Variants in CWH43 observed in about 807,000 individuals in gnomAD.
The protein encoded by CWH43 is PGAP2-interacting protein.
CWH43 carries 91 observed loss-of-function variants against 85.7 expected under a neutral mutation model. The observed-to-expected ratio is 1.06, with a 90% confidence interval of 0.90 to 1.26. The LOEUF is 1.26. Ranked by LOEUF, CWH43 falls within the 50% of genes most tolerant of loss-of-function variation. The pLI is 0.00. For synonymous variants in CWH43, 323 were observed against 293.6 expected, an observed-to-expected ratio of 1.10 and a Z score of -1.02; for missense variants, 869 against 839.2, an observed-to-expected ratio of 1.04 and a Z score of -0.44.
At position 49,050,705 on chromosome 4, in the gene CWH43, C is replaced by T. The variant is rs142768963; in HGVS notation, c.1877C>T (p.Ala626Val). Reference protein sequence around the residue: ...MYRGLIRLGYARISHAELSDS... With the variant: ...MYRGLIRLGYVRISHAELSDS... ...TGTTTCTGCTACAGGTTGGGTTATG[C>T]AAGAATCTCCCATGCTGAACTGAGT... Residue 626 changes from alanine (A) to valine (V), a missense_variant, in exon 15 of 16, where the codon GCA becomes GTA. This residue lies in a region of CWH43 where 577 missense variants were observed against 513.1 expected (regional missense o/e 1.12). Coordinates refer to ENST00000226432, the MANE Select transcript of CWH43 (RefSeq NM_025087.3). 2,369 of 1,610,868 alleles carry T rather than the reference C, an allele frequency of 1.5e-3. 57 individuals carry two copies. In the Admixed American group the frequency reaches 0.038, roughly 26 times the overall value.
At chr4:49,051,742 A>G (rs888788425) in intron 15 of CWH43, among the ~76,000 whole-genome samples, 4 of 151,988 alleles carry the variant, frequency 2.6e-5, no homozygotes, top group African/African-American at 9.7e-5. Flanking sequence ...ATGCCTGGCT[A>G]ATTTTTGTAT....
chr4:49,036,350 A>C (rs1288639619), intron 12 of CWH43, among the ~76,000 whole-genome samples: 2 of 152,218 alleles, frequency 1.3e-5, no homozygotes, highest in African/African-American at 4.8e-5. Flanking sequence ...CCATAGGCAT[A>C]TTAGCCTCAT....
intron 14 of CWH43, among the ~76,000 whole-genome samples, chr4:49,047,703 G>A (rs781263362): frequency 2.0e-5 from 3 of 152,158 alleles, no homozygotes; most frequent in African/African-American, 2.4e-5. Flanking sequence ...AGGGGCGGCC[G>A]AGGAGGGAAG....
intron 13 of CWH43, among the ~76,000 whole-genome samples, chr4:49,042,591 A>C (rs1784497710): frequency 6.6e-6 from 1 of 152,150 alleles, no homozygotes; most frequent in African/African-American, 2.4e-5. Flanking sequence ...CCATGTAGGG[A>C]AGCGTTGAAG....
At chr4:49,041,403 A>G (rs1168218330) in intron 13 of CWH43, among the ~76,000 whole-genome samples, 1 of 152,006 alleles carries the variant, frequency 6.6e-6, no homozygotes, top group Non-Finnish European at 1.5e-5. Context: ...ATTTGTTTGT[A>G]TCCTCTTTTA....
chr4:48,996,809 A>T (rs910685657), intron 5 of CWH43, among the ~76,000 whole-genome samples: 1 of 152,230 alleles, frequency 6.6e-6, no homozygotes, highest in Non-Finnish European at 1.5e-5. Context: ...TCACATATAT[A>T]AAATCAGCAT....
At chr4:49,004,350 T>C (rs1438841232) in intron 7 of CWH43, among the ~76,000 whole-genome samples, 2 of 152,182 alleles carry the variant, frequency 1.3e-5, no homozygotes, top group East Asian at 1.9e-4. Flanking sequence ...ACTTCAGTGG[T>C]TGGCTCGTAA....
intron 12 of CWH43, among the ~76,000 whole-genome samples, chr4:49,034,000 C>A (rs1426901631): frequency 6.6e-6 from 1 of 151,958 alleles, no homozygotes; most frequent in Non-Finnish European, 1.5e-5. Flanking sequence ...TATGTGAATC[C>A]GTGAAAGCAT....
At position 48,992,160 on chromosome 4, in the gene CWH43, G is replaced by T; in HGVS notation, c.511+70G>T. Reference sequence around the variant, plus strand: ...TCCTATGTGAATGTTGCACATCTTGGAAAGAAAATCTATAAAAGTAGTCTT... The same window carrying T: ...TCCTATGTGAATGTTGCACATCTTGTAAAGAAAATCTATAAAAGTAGTCTT... On this transcript the variant is annotated intron_variant, in intron 4 of 15. Coordinates refer to ENST00000226432, the MANE Select transcript of CWH43 (RefSeq NM_025087.3). This position sits in a 1 kb window ranked among gnomAD's most constrained non-coding sequence, Gnocchi z 4.3. 2 of 1,306,688 alleles carry T rather than the reference G, an allele frequency of 1.5e-6. No individual in the cohort carries two copies. The highest frequency in any genetic ancestry group is 2.8e-5 in the South Asian group (2 of 71,704). The allele number at this position is 1,306,688 out of a possible 1,614,324, so 80.9% of individuals were successfully genotyped here. A position where few individuals can be genotyped will look rare whatever the true frequency, so the allele number is the denominator to read the frequency against.
At chr4:49,052,236 G>A (rs534838804) in intron 15 of CWH43, among the ~76,000 whole-genome samples, 1 of 152,120 alleles carries the variant, frequency 6.6e-6, no homozygotes, top group Non-Finnish European at 1.5e-5. Context: ...AATGTGACTA[G>A]GAAACCGCGG....
At chr4:49,012,789 A>G (rs1353305580) in intron 8 of CWH43, among the ~76,000 whole-genome samples, 3 of 152,192 alleles carry the variant, frequency 2.0e-5, no homozygotes, top group Non-Finnish European at 1.5e-5. Flanking sequence ...TTGCCTGGGT[A>G]TCACCAGTGG....
rs1298993394 is a variant in CWH43, at chr4:49,061,803, T to C, written c.2022-9T>C. ...CCAATAACTTTTTATTTATTTTTTA[T>C]TTTTTTAGATTTGGATCCTACAAAG... On this transcript the variant is annotated splice_polypyrimidine_tract_variant and intron_variant, in intron 15 of 15. Transcript: ENST00000226432. The C allele has an allele frequency of 3.7e-6, 5 of 1,365,678 alleles. No homozygotes were observed. The South Asian group carries it at 7.4e-5, about 20-fold the overall frequency. 84.6% of individuals were successfully genotyped at this position (1,365,678 alleles called of 1,614,324 possible).
intron 13 of CWH43, among the ~76,000 whole-genome samples, chr4:49,039,515 C>A (rs1390062192): frequency 1.4e-5 from 2 of 147,184 alleles, no homozygotes; most frequent in East Asian, 4.0e-4. Flanking sequence ...ATGCCCTATG[C>A]AGATGTCTTG....
chr4:49,016,966 G>T, intron 8 of CWH43: 1 of 783,174 alleles, frequency 1.3e-6, no homozygotes, highest in Non-Finnish European at 2.4e-6. Flanking sequence ...TAGCAGTTCT[G>T]CGCAGGCACA....
chr4:49,032,461 A>T (rs1784126435), intron 11 of CWH43, 105 bp from the exon 12 acceptor site: 3 of 1,254,718 alleles, frequency 2.4e-6, no homozygotes, highest in East Asian at 4.7e-5. Context: ...CCTTGGTGGG[A>T]TGTGTGCAGT....
chr4:49,011,850 T>A (rs1372681209), intron 8 of CWH43, among the ~76,000 whole-genome samples: 2 of 152,258 alleles, frequency 1.3e-5, no homozygotes, highest in Non-Finnish European at 2.9e-5. Flanking sequence ...CCGCTGTTAG[T>A]CTGATGGGCT....
chr4:49,054,478 T>G (rs1784892969), intron 15 of CWH43, among the ~76,000 whole-genome samples: 1 of 152,190 alleles, frequency 6.6e-6, no homozygotes, highest in Non-Finnish European at 1.5e-5. Flanking sequence ...CGTGATTGCT[T>G]AGGCTGCTTG....
At chr4:49,028,062 C>T (rs1286629996) in intron 9 of CWH43, among the ~76,000 whole-genome samples, 1 of 152,138 alleles carries the variant, frequency 6.6e-6, no homozygotes, top group African/African-American at 2.4e-5. Flanking sequence ...GATTTATTTC[C>T]CATGCAAGAG....
rs1553916936 is a variant in CWH43 at position 49,039,320 on chromosome 4, T to TATATATACTGTTGTATATATATACTG, written c.1803+1147_1803+1148insCTGTTGTATATATATACTGATATATA. Among the ~76,000 whole-genome samples the TATATATACTGTTGTATATATATACTG allele has an allele frequency of 6.6e-5, 2 of 30,218 alleles. 1 individual carries two copies. Among genetic ancestry groups the TATATATACTGTTGTATATATATACTG allele is most frequent in the Non-Finnish European group, 1.7e-4 (2 of 11,864 alleles). 19.8% of individuals were successfully genotyped at this position (30,218 alleles called of 152,430 possible). On this transcript the variant is annotated intron_variant, in intron 13 of 15. Transcript: ENST00000226432. Reference sequence around the variant, plus strand: ...CTCAGGAGACTGATATATATATATATATATATATATATACTGATGTATATA... The same window carrying TATATATACTGTTGTATATATATACTG: ...CTCAGGAGACTGATATATATATATATATATATACTGTTGTATATATATACTGATATATATATATACTGATGTATATA...
Sources: allele counts gnomAD v4.1 joint callset (sites outside exome capture counted in the v4.1 genomes callset), GRCh38; gene constraint gnomAD v4.1.1; regional missense constraint gnomAD v4.1.1; non-coding constraint Gnocchi (gnomAD v3.1); transcripts MANE v1.5; gene names NCBI Gene and HGNC (gene_info 2026-07-23, HGNC 2026-07-21).